Variants in NEDD4L observed in about 807,000 individuals in gnomAD.
The protein encoded by NEDD4L is NEDD4 like E3 ubiquitin protein ligase.
A neutral mutation model predicts 148.9 loss-of-function variants in NEDD4L; 54 were observed. The ratio of observed to expected loss-of-function variants is 0.36; its 90% confidence interval spans 0.29 to 0.45. NEDD4L has a LOEUF of 0.45. Ranked by LOEUF, NEDD4L falls within the 20% of genes least tolerant of loss-of-function variation. NEDD4L has a pLI of 1.00. For missense variants in NEDD4L, 856 were observed against 1,233.8 expected (o/e 0.69, Z 4.59); for synonymous variants, 433 against 440.7 (o/e 0.98, Z 0.22).
chr18:58,350,720 C>T (rs769192391), intron 17 of NEDD4L, among the ~76,000 whole-genome samples: 4 of 152,180 alleles, frequency 2.6e-5, no homozygotes, highest in Non-Finnish European at 4.4e-5. Flanking sequence ...TGGAATGCTG[C>T]GGTTTCCCTT....
chr18:58,077,347 T>TA (rs1331222465), intron 1 of NEDD4L, among the ~76,000 whole-genome samples: 5 of 151,872 alleles, frequency 3.3e-5, no homozygotes, highest in African/African-American at 1.2e-4. Context: ...TTGTATTTTT[T>TA]ATAGAGATAG....
At chr18:58,058,315 TA>T (rs1355052948) in intron 1 of NEDD4L, among the ~76,000 whole-genome samples, 3 of 152,092 alleles carry the variant, frequency 2.0e-5, no homozygotes, top group African/African-American at 7.2e-5. Flanking sequence ...AAAAAGGTGG[TA>T]AAATACACAT....
intron 2 of NEDD4L, among the ~76,000 whole-genome samples, chr18:58,201,332 CA>C (rs371874344): frequency 0.018 from 2,489 of 137,528 alleles, 62 homozygotes; most frequent in African/African-American, 0.059. Flanking sequence ...GATCCTGTCT[CA>C]AAAAAAAAAA....
intron 5 of NEDD4L, among the ~76,000 whole-genome samples, chr18:58,302,470 C>A (rs1435318771): frequency 6.6e-6 from 1 of 152,192 alleles, no homozygotes; most frequent in Non-Finnish European, 1.5e-5. Context: ...AAATTGCACA[C>A]ACTGAACTCT....
At chr18:58,063,949 C>CTTTTTT (rs58608106) in intron 1 of NEDD4L, among the ~76,000 whole-genome samples, 27 of 129,862 alleles carry the variant, frequency 2.1e-4, no homozygotes, top group Non-Finnish European at 3.6e-4. Context: ...TATAATGTTT[C>CTTTTTT]TTTTTTTTTT....
chr18:58,368,605 A>T (rs954885563), intron 22 of NEDD4L, among the ~76,000 whole-genome samples: 1 of 152,262 alleles, frequency 6.6e-6, no homozygotes. Flanking sequence ...GCAGTAACTT[A>T]TAAGAAAGAT....
Position 58,346,204 on chromosome 18 carries a change from G to A in NEDD4L, c.1575+3101G>A, listed in dbSNP as rs189505183. ...TTCCATCCTCAGCAGCTCAGAGCACGTGTATACGGGTTGAGTATCCCTAGT... is the reference window on the plus strand; with the variant it reads ...TTCCATCCTCAGCAGCTCAGAGCACATGTATACGGGTTGAGTATCCCTAGT... On this transcript the variant is annotated intron_variant, in intron 16 of 30. Transcript: ENST00000400345. Among the ~76,000 whole-genome samples the A allele has an allele frequency of 2.6e-4, 40 of 152,324 alleles. 1 individual carries two copies. The highest frequency in any genetic ancestry group is 2.5e-3 in the Admixed American group (38 of 15,298).
chr18:58,050,081 T>C (rs1035866854), intron 1 of NEDD4L, among the ~76,000 whole-genome samples: 5 of 152,124 alleles, frequency 3.3e-5, no homozygotes, highest in African/African-American at 9.7e-5. Context: ...TTTCATTATA[T>C]TTAGTTTTAT....
At chr18:58,307,484 T>C (rs909919598) in intron 5 of NEDD4L, among the ~76,000 whole-genome samples, 6 of 152,216 alleles carry the variant, frequency 3.9e-5, no homozygotes, top group Admixed American at 1.3e-4. Flanking sequence ...AATGCCTACA[T>C]TGAGGCTGTT....
chr18:58,345,210 TAC>T (rs1192461094), intron 16 of NEDD4L, among the ~76,000 whole-genome samples: 2 of 152,242 alleles, frequency 1.3e-5, no homozygotes, highest in Non-Finnish European at 2.9e-5. Flanking sequence ...TTCCACAAGC[TAC>T]TCCCCTTCTT....
At position 58,341,998 on chromosome 18, in the gene NEDD4L, A is replaced by ATTCT. The variant is rs2042490054; in HGVS notation, c.1377+202_1377+205dup. Among the ~76,000 whole-genome samples the ATTCT allele has an allele frequency of 3.9e-5, 6 of 152,184 alleles. No homozygotes were observed. The South Asian group carries it at 1.2e-3, about 32-fold the overall frequency. ...TAACATTCCTGGACTCTCTCACCTG[A>ATTCT]TTCTCATTCTCATTTGGCTAAGGCC... is the stretch of plus-strand genomic sequence containing the variant. On this transcript the variant is annotated intron_variant, in intron 15 of 30. Transcript: ENST00000400345.
intron 6 of NEDD4L, 39 bp downstream of exon 6, chr18:58,316,071 CG>C: frequency 2.0e-6 from 3 of 1,529,544 alleles, no homozygotes; most frequent in Non-Finnish European, 2.7e-6. Flanking sequence ...GTGCTGGGGG[CG>C]GGGGTTTCTA....
chr18:58,319,645 C>T (rs2058600255), intron 6 of NEDD4L, among the ~76,000 whole-genome samples: 1 of 152,190 alleles, frequency 6.6e-6, no homozygotes, highest in South Asian at 2.1e-4. Context: ...CTCAGCTCTG[C>T]TCCAGGGAAC....
chr18:58,215,239 G>T (rs2043049948), intron 2 of NEDD4L, among the ~76,000 whole-genome samples: 1 of 152,160 alleles, frequency 6.6e-6, no homozygotes, highest in Non-Finnish European at 1.5e-5. Context: ...CTGTAGTACT[G>T]CACTAGTTTC....
At chr18:58,377,601 A>G (rs1440093838) in intron 24 of NEDD4L, among the ~76,000 whole-genome samples, 1 of 152,204 alleles carries the variant, frequency 6.6e-6, no homozygotes, top group Non-Finnish European at 1.5e-5. Flanking sequence ...TGTGCCAAGC[A>G]GGAAGAATAA....
Position 58,366,248 on chromosome 18 carries a change from C to G in NEDD4L, c.2063+20C>G, listed in dbSNP as rs369882640. ...TGCCACGTAAGTATATGGCCACACC[C>G]AGTGTGTGTCCCCCACTGAGACAGT... On this transcript the variant is annotated intron_variant, in intron 21 of 30. Transcript: ENST00000400345. This position sits in a 1 kb window ranked among gnomAD's most constrained non-coding sequence, Gnocchi z 4.2. The G allele has an allele frequency of 6.7e-7, 1 of 1,498,526 alleles. No homozygotes were observed. The highest frequency in any genetic ancestry group is 1.4e-5 in the African/African-American group (1 of 72,152). 92.8% of individuals were successfully genotyped at this position (1,498,526 alleles called of 1,614,324 possible). A position where few individuals can be genotyped will look rare whatever the true frequency, so the allele number is the denominator to read the frequency against.
rs1568193673 is a variant in NEDD4L, at chr18:58,084,672, TG to T, written c.48+39965del. ...TTCTCACTATATCTTGTGGGGTTTT[TG>T]TGTGTGTGTGTGTGTGTGTGTGTGT... On this transcript the variant is annotated intron_variant, in intron 1 of 30. Transcript: ENST00000400345. Among the ~76,000 whole-genome samples, 7 of 21,542 alleles carry T rather than the reference TG, an allele frequency of 3.2e-4. No individual in the cohort carries two copies. The African/African-American group carries it at 3.7e-3, about 11-fold the overall frequency. 14.1% of individuals were successfully genotyped at this position (21,542 alleles called of 152,430 possible).
intron 24 of NEDD4L, among the ~76,000 whole-genome samples, chr18:58,381,032 A>G (rs956040653): frequency 6.6e-6 from 1 of 152,212 alleles, no homozygotes. Context: ...ATAATTCTGT[A>G]TAACCCTGGA....
chr18:58,124,985 G>A (rs901309154), intron 1 of NEDD4L, among the ~76,000 whole-genome samples: 1 of 152,300 alleles, frequency 6.6e-6, no homozygotes, highest in African/African-American at 2.4e-5. Flanking sequence ...TCACTGCAGC[G>A]TCAGACTCCT....
Sources: allele counts gnomAD v4.1 joint callset (sites outside exome capture counted in the v4.1 genomes callset), GRCh38; gene constraint gnomAD v4.1.1; non-coding constraint Gnocchi (gnomAD v3.1); transcripts MANE v1.5; gene names NCBI Gene and HGNC (gene_info 2026-07-23, HGNC 2026-07-21).